VWC2L: variants seen among roughly 807,000 people sequenced by gnomAD.
The protein encoded by VWC2L is von Willebrand factor C domain-containing protein 2-like.
VWC2L carries 10 observed loss-of-function variants against 21.6 expected under a neutral mutation model. The ratio of observed to expected loss-of-function variants is 0.46; its 90% confidence interval spans 0.29 to 0.78. VWC2L has a LOEUF of 0.78. Among genes scored for constraint, VWC2L ranks in the 30% least tolerant of loss-of-function variants. The pLI is 0.10. For synonymous variants in VWC2L, 96 were observed against 94.3 expected, an observed-to-expected ratio of 1.02 and a Z score of -0.10; for missense variants, 209 against 277.1, an observed-to-expected ratio of 0.75 and a Z score of 1.74.
At chr2:214,488,299 T>A (rs547876189) in intron 3 of VWC2L, among the ~76,000 whole-genome samples, 6 of 152,190 alleles carry the variant, frequency 3.9e-5, no homozygotes, top group South Asian at 4.1e-4. Flanking sequence ...GAATTCAACC[T>A]GGTCAAGAAG....
intron 3 of VWC2L, among the ~76,000 whole-genome samples, chr2:214,549,863 T>C (rs1689766212): frequency 6.6e-6 from 1 of 152,196 alleles, no homozygotes; most frequent in Non-Finnish European, 1.5e-5. Context: ...TATAAGATAC[T>C]GTTCTTGGAT....
At chr2:214,435,917 G>C (rs1191720489) in intron 2 of VWC2L, among the ~76,000 whole-genome samples, 1 of 152,096 alleles carries the variant, frequency 6.6e-6, no homozygotes, top group Non-Finnish European at 1.5e-5. Context: ...GTTCTTTTCT[G>C]ATGTTTAATT....
rs189926001 is a variant in VWC2L, at chr2:214,439,520, A to C, written c.520+2762A>C. 1.7e-3 allele frequency among the ~76,000 whole-genome samples: 258 copies of C among 152,020 alleles called. 1 individual carries two copies. The highest frequency in any genetic ancestry group is 5.8e-3 in the African/African-American group (241 of 41,548). On this transcript the variant is annotated intron_variant, in intron 3 of 3. Transcript: ENST00000312504. ...TATAAACAGTCATAACATTTTCTACATTTTCTTAAATCTTCATAAATGGTT... is the reference window on the plus strand; with the variant it reads ...TATAAACAGTCATAACATTTTCTACCTTTTCTTAAATCTTCATAAATGGTT...
chr2:214,426,362 A>T (rs1702524848), intron 2 of VWC2L, among the ~76,000 whole-genome samples: 2 of 152,074 alleles, frequency 1.3e-5, no homozygotes, highest in African/African-American at 4.8e-5. Context: ...CAGAGTTAGA[A>T]ATAAGAGTGA....
At chr2:214,558,643 G>A (rs548277853) in intron 3 of VWC2L, among the ~76,000 whole-genome samples, 171 of 152,078 alleles carry the variant, frequency 1.1e-3, no homozygotes, top group Non-Finnish European at 1.8e-3. Flanking sequence ...ATCTTTGCCT[G>A]GACTAGTGTA....
At chr2:214,477,507 T>TC (rs1310247081) in intron 3 of VWC2L, among the ~76,000 whole-genome samples, 1 of 152,204 alleles carries the variant, frequency 6.6e-6, no homozygotes, top group African/African-American at 2.4e-5. Flanking sequence ...AAAAGTCCAG[T>TC]CCTGCCTAAT....
chr2:214,552,311 C>A lies in VWC2L; in HGVS notation c.521-23361C>A, dbSNP rs1404698272. On this transcript the variant is annotated intron_variant, in intron 3 of 3. Coordinates refer to ENST00000312504, the MANE Select transcript of VWC2L (RefSeq NM_001080500.4). ...ATAAATACCAAACCAGTAAGTCCTA[C>A]CTCTGGTTACTTAGCCCTGCATCTC... Among the ~76,000 whole-genome samples the A allele has an allele frequency of 2.0e-5, 3 of 152,198 alleles. No homozygotes were observed. The South Asian group carries it at 6.2e-4, about 32-fold the overall frequency.
At chr2:214,414,771 T>C (rs879332932) in intron 2 of VWC2L, 188 bp downstream of exon 2, 1 of 651,546 alleles carries the variant, frequency 1.5e-6, no homozygotes. Flanking sequence ...TGATCATATT[T>C]GTTAAGTTGC....
chr2:214,574,253 G>A (rs1690195452), intron 3 of VWC2L, among the ~76,000 whole-genome samples: 1 of 152,162 alleles, frequency 6.6e-6, no homozygotes, highest in South Asian at 2.1e-4. Flanking sequence ...TGCTCTGCAT[G>A]GCTCTTCACG....
intron 2 of VWC2L, among the ~76,000 whole-genome samples, chr2:214,420,755 T>C (rs1702426284): frequency 6.6e-6 from 1 of 152,174 alleles, no homozygotes; most frequent in Non-Finnish European, 1.5e-5. Context: ...ATCATGATTT[T>C]ATGCGGCAAA....
chr2:214,444,299 T>C (rs2126181852), intron 3 of VWC2L, among the ~76,000 whole-genome samples: 1 of 152,150 alleles, frequency 6.6e-6, no homozygotes, highest in Admixed American at 6.5e-5. Flanking sequence ...AGAAATTGAT[T>C]GTTTTAAAAA....
intron 3 of VWC2L, among the ~76,000 whole-genome samples, chr2:214,488,653 T>A (rs532551294): frequency 6.6e-6 from 1 of 152,206 alleles, no homozygotes; most frequent in African/African-American, 2.4e-5. Context: ...CTGTTCTGGG[T>A]TGTTATAAAG....
Position 214,575,669 on chromosome 2 carries a change from C to T in VWC2L, c.521-3C>T. ...AACTAATCAATGTATCTGTGTGTTTCAGGTCCAAACTGCTTTGCAGGAACG... is the reference window on the plus strand; with the variant it reads ...AACTAATCAATGTATCTGTGTGTTTTAGGTCCAAACTGCTTTGCAGGAACG... On this transcript the variant is annotated splice_polypyrimidine_tract_variant and splice_region_variant and intron_variant, in intron 3 of 3. Coordinates refer to ENST00000312504, the MANE Select transcript of VWC2L (RefSeq NM_001080500.4). The T allele has an allele frequency of 6.2e-7, 1 of 1,612,906 alleles. No individual in the cohort carries two copies. Among genetic ancestry groups the T allele is most frequent in the Non-Finnish European group, 8.5e-7 (1 of 1,179,128 alleles).
intron 3 of VWC2L, among the ~76,000 whole-genome samples, chr2:214,450,931 A>G (rs1702944433): frequency 6.6e-6 from 1 of 152,194 alleles, no homozygotes; most frequent in Admixed American, 6.5e-5. Flanking sequence ...ATAAAGGGGA[A>G]ATAATTATAA....
chr2:214,428,499 G>T (rs956923357), intron 2 of VWC2L, among the ~76,000 whole-genome samples: 4 of 152,062 alleles, frequency 2.6e-5, no homozygotes, highest in Admixed American at 6.6e-5. Flanking sequence ...AAGTAGAGAG[G>T]TTTATCAAGA....
intron 3 of VWC2L, among the ~76,000 whole-genome samples, chr2:214,506,109 ATAT>A (rs1166322174): frequency 6.6e-6 from 1 of 152,174 alleles, no homozygotes; most frequent in Non-Finnish European, 1.5e-5. Flanking sequence ...AATTTGAAAG[ATAT>A]TATCTCATGT....
chr2:214,456,231 T>C (rs1703052887), intron 3 of VWC2L, among the ~76,000 whole-genome samples: 1 of 152,162 alleles, frequency 6.6e-6, no homozygotes, highest in Non-Finnish European at 1.5e-5. Context: ...ATAATAGCAT[T>C]TCTAACTGGG....
chr2:214,524,113 T>C (rs1014165860), intron 3 of VWC2L, among the ~76,000 whole-genome samples: 2 of 152,180 alleles, frequency 1.3e-5, no homozygotes, highest in Non-Finnish European at 2.9e-5. Context: ...AGTATATTGT[T>C]ATATACAGCA....
intron 3 of VWC2L, among the ~76,000 whole-genome samples, chr2:214,563,546 CAAAA>C (rs55864016): frequency 2.0e-4 from 19 of 95,864 alleles, no homozygotes; most frequent in East Asian, 6.2e-4. Flanking sequence ...GACTCCGTCT[CAAAA>C]AAAAAAAAAA....
Sources: allele counts gnomAD v4.1 joint callset (sites outside exome capture counted in the v4.1 genomes callset), GRCh38; gene constraint gnomAD v4.1.1; transcripts MANE v1.5; gene names NCBI Gene and HGNC (gene_info 2026-07-23, HGNC 2026-07-21).